Variants in PPP2R5C observed in about 807,000 individuals in gnomAD.
PPP2R5C encodes protein phosphatase 2 regulatory subunit B'gamma.
PPP2R5C carries 7 observed loss-of-function variants against 68.9 expected under a neutral mutation model. That is an observed-to-expected ratio of 0.10 (90% confidence interval 0.06 to 0.19). The LOEUF is 0.19. Among genes scored for constraint, PPP2R5C ranks in the 10% least tolerant of loss-of-function variants. The pLI, the probability that PPP2R5C is intolerant of heterozygous loss-of-function variation, is 1.00. For missense variants in PPP2R5C, 348 were observed against 641.3 expected (o/e 0.54, Z 4.94); for synonymous variants, 210 against 222.2 (o/e 0.95, Z 0.49).
chr14:101,821,680 T>C (rs1341188709), intron 1 of PPP2R5C, among the ~76,000 whole-genome samples: 1 of 152,170 alleles, frequency 6.6e-6, no homozygotes, highest in Admixed American at 6.5e-5. Context: ...TATTGTACTG[T>C]GTATACATAC....
intron 1 of PPP2R5C, among the ~76,000 whole-genome samples, chr14:101,837,537 T>C (rs2041190895): frequency 6.6e-6 from 1 of 152,212 alleles, no homozygotes; most frequent in Non-Finnish European, 1.5e-5. Context: ...AGAAACCTTA[T>C]TCTCACATTA....
Position 101,877,723 on chromosome 14 carries a change from C to A in PPP2R5C, c.295-4438C>A, listed in dbSNP as rs2043876111. Among the ~76,000 whole-genome samples, 1 of 152,180 alleles carries A rather than the reference C, an allele frequency of 6.6e-6. No homozygotes were observed. Among genetic ancestry groups the A allele is most frequent in the Non-Finnish European group, 1.5e-5 (1 of 68,040 alleles). On this transcript the variant is annotated intron_variant, in intron 2 of 13. Transcript: ENST00000334743. This position sits in a 1 kb window ranked among gnomAD's most constrained non-coding sequence, Gnocchi z 4.2. ...GACCGTTGGCCCTCTGTTCCTTCCC[C>A]CCGCCCCAGTATTACTTTTTACTTA...
At chr14:101,769,859 G>A (rs142208220) in intron 2 of PPP2R5C, among the ~76,000 whole-genome samples, 2 of 152,256 alleles carry the variant, frequency 1.3e-5, no homozygotes, top group East Asian at 3.9e-4. Flanking sequence ...GAGGGGGTAC[G>A]TTCTGAGAGC....
chr14:101,761,072 GAGGGA>G (rs1159731595), upstream of PPP2R5C, among the ~76,000 whole-genome samples: 431 of 131,408 alleles, frequency 3.3e-3, 2 homozygotes, highest in African/African-American at 0.011. Context: ...GGAGGGAGAG[GAGGGA>G]AGGGGAGGGG....
At chr14:101,830,632 C>T (rs530249173) in intron 1 of PPP2R5C, among the ~76,000 whole-genome samples, 1 of 152,264 alleles carries the variant, frequency 6.6e-6, no homozygotes, top group African/African-American at 2.4e-5. Flanking sequence ...ATTTTAAGTA[C>T]CACTCTAGCA....
chr14:101,776,685 C>T (rs2037436830), intron 2 of PPP2R5C, among the ~76,000 whole-genome samples: 1 of 152,096 alleles, frequency 6.6e-6, no homozygotes, highest in Admixed American at 6.5e-5. Context: ...AAGCCCCATT[C>T]CCACCAGCAG....
At position 101,825,599 on chromosome 14, in the gene PPP2R5C, C is replaced by T. The variant is rs1457206890; in HGVS notation, c.94+15563C>T. Reference sequence around the variant, plus strand: ...CCACTCCACCTCCTAGCCAGGGTGTCACTCCAATTCCATCATTCAGGTTTC... The same window carrying T: ...CCACTCCACCTCCTAGCCAGGGTGTTACTCCAATTCCATCATTCAGGTTTC... On this transcript the variant is annotated intron_variant, in intron 1 of 13. Coordinates refer to ENST00000334743, the Ensembl canonical transcript of PPP2R5C. This position sits in a 1 kb window ranked among gnomAD's most constrained non-coding sequence, Gnocchi z 4.0. 1.3e-5 allele frequency among the ~76,000 whole-genome samples: 2 copies of T among 152,226 alleles called. No individual in the cohort carries two copies. Among genetic ancestry groups the T allele is most frequent in the Non-Finnish European group, 2.9e-5 (2 of 68,046 alleles).
chr14:101,896,655 AG>A (rs2045353689), intron 8 of PPP2R5C, among the ~76,000 whole-genome samples: 2 of 150,446 alleles, frequency 1.3e-5, no homozygotes, highest in African/African-American at 4.9e-5. Context: ...AAAAAAAAAA[AG>A]TGTATATCTT....
intron 1 of PPP2R5C, among the ~76,000 whole-genome samples, chr14:101,833,775 C>A (rs1566884940): frequency 6.6e-6 from 1 of 152,178 alleles, no homozygotes; most frequent in East Asian, 1.9e-4. Flanking sequence ...TTTTCACTTC[C>A]CAGCTTTATT....
intron 2 of PPP2R5C, among the ~76,000 whole-genome samples, chr14:101,880,388 G>C (rs974724377): frequency 2.6e-5 from 4 of 152,208 alleles, no homozygotes; most frequent in Admixed American, 6.5e-5. Context: ...AGATGACACA[G>C]AGAACAAGCT....
chr14:101,903,455 G>T (rs896956941), intron 9 of PPP2R5C, among the ~76,000 whole-genome samples: 5 of 152,194 alleles, frequency 3.3e-5, no homozygotes, highest in Non-Finnish European at 7.3e-5. Flanking sequence ...AGAGCATGAA[G>T]GCTGCCAGGG....
At chr14:101,761,593 G>A (rs2036531150), upstream of PPP2R5C, among the ~76,000 whole-genome samples, 1 of 137,094 alleles carries the variant, frequency 7.3e-6, no homozygotes, top group Non-Finnish European at 1.6e-5. Context: ...GCGGGGGTGG[G>A]GCGAGCGGCG....
intron 3 of PPP2R5C, among the ~76,000 whole-genome samples, chr14:101,803,659 G>C (rs2038960830): frequency 6.6e-6 from 1 of 151,932 alleles, no homozygotes. Context: ...GGGAGGTGGA[G>C]GTTGCAGCGA....
At chr14:101,809,309 T>C (rs1428862918), upstream of PPP2R5C, among the ~76,000 whole-genome samples, 1 of 151,526 alleles carries the variant, frequency 6.6e-6, no homozygotes, top group East Asian at 1.9e-4. Flanking sequence ...CATAAGTTAA[T>C]AACTCATCCT....
At chr14:101,770,008 TA>T (rs2037065790) in intron 2 of PPP2R5C, among the ~76,000 whole-genome samples, 1 of 152,216 alleles carries the variant, frequency 6.6e-6, no homozygotes, top group Non-Finnish European at 1.5e-5. Flanking sequence ...GCATGTCATT[TA>T]ACTGAACCCT....
chr14:101,810,027 C>T (rs2039259558), exon 1 of PPP2R5C: 1 of 1,613,770 alleles, frequency 6.2e-7, no homozygotes, highest in Non-Finnish European at 8.5e-7. Flanking sequence ...GGTCCTTCTC[C>T]ATATTCGAGG....
intron 9 of PPP2R5C, among the ~76,000 whole-genome samples, chr14:101,905,211 A>G (rs1327602616): frequency 6.6e-6 from 1 of 152,208 alleles, no homozygotes; most frequent in East Asian, 1.9e-4. Context: ...AAAATTAGCC[A>G]GGTGCGATGG....
chr14:101,761,592 GGGCGAGC>G (rs2036531250), upstream of PPP2R5C, among the ~76,000 whole-genome samples: 1 of 135,400 alleles, frequency 7.4e-6, no homozygotes, highest in African/African-American at 2.7e-5. Context: ...CGCGGGGGTG[GGGCGAGC>G]GGCGGGCGGG....
intron 2 of PPP2R5C, among the ~76,000 whole-genome samples, chr14:101,776,497 C>A (rs2037428442): frequency 6.6e-6 from 1 of 152,120 alleles, no homozygotes; most frequent in Admixed American, 6.5e-5. Context: ...TCCTATTCAG[C>A]CAACACTAAT....
Sources: gnomAD v4.1 joint callset for allele counts (sites outside exome capture counted in the v4.1 genomes callset) on GRCh38, gnomAD v4.1.1 for gene constraint, Gnocchi (gnomAD v3.1) non-coding constraint, MANE v1.5 for transcripts, NCBI Gene and HGNC (gene_info 2026-07-23, HGNC 2026-07-21) for gene names.